Variants in CCDC179 observed in about 807,000 individuals in gnomAD.
CCDC179 encodes coiled-coil domain-containing protein 179.
In CCDC179, 17 loss-of-function variants were observed where a neutral mutation model predicts 12.0. The ratio of observed to expected loss-of-function variants is 1.42; its 90% CI spans 0.97 to 2.13. CCDC179 has a LOEUF of 2.13. Among genes scored for constraint, CCDC179 ranks in the 30% most tolerant of loss-of-function variants. The pLI is 0.00. For missense variants in CCDC179, 83 were observed against 78.6 expected (o/e 1.06, Z -0.21); for synonymous variants, 27 against 26.4 (o/e 1.02, Z -0.07).
At chr11:22,852,821 G>T (rs1282874463) in intron 3 of CCDC179, among the ~76,000 whole-genome samples, 1 of 152,178 alleles carries the variant, frequency 6.6e-6, no homozygotes, top group East Asian at 1.9e-4. Context: ...CAATTCCCCT[G>T]TCTTGATAAA....
chr11:22,858,707 A>G (rs11026818), intron 2 of CCDC179, among the ~76,000 whole-genome samples: 54,546 of 151,890 alleles, frequency 0.36, 11,109 homozygotes, highest in Non-Finnish European at 0.44. Context: ...TGATTCAACC[A>G]TTACACTCCT....
At chr11:22,855,341 TAC>T in intron 3 of CCDC179, among the ~76,000 whole-genome samples, 1 of 151,730 alleles carries the variant, frequency 6.6e-6, no homozygotes, top group Non-Finnish European at 1.5e-5. Flanking sequence ...ATAGAAATCA[TAC>T]AAAGTGTGTT....
chr11:22,849,239 C>A (rs1858312823), intron 3 of CCDC179, among the ~76,000 whole-genome samples: 1 of 152,048 alleles, frequency 6.6e-6, no homozygotes. Context: ...TTTATAATTG[C>A]CTAATACCAT....
At chr11:22,859,945 T>C (rs1858623405) in intron 1 of CCDC179, among the ~76,000 whole-genome samples, 1 of 152,216 alleles carries the variant, frequency 6.6e-6, no homozygotes, top group African/African-American at 2.4e-5. Context: ...GCTTGGCTGT[T>C]AGTTTTCGAG....
intron 3 of CCDC179, among the ~76,000 whole-genome samples, chr11:22,856,077 C>G (rs1278781835): frequency 1.3e-5 from 2 of 151,372 alleles, no homozygotes; most frequent in African/African-American, 4.8e-5. Context: ...GATGGTTTCA[C>G]TGATTACCAA....
Position 22,853,024 on chromosome 11 carries a change from G to A in CCDC179, c.195+4898C>T, listed in dbSNP as rs1590190936. Among the ~76,000 whole-genome samples, 3 of 152,158 alleles carry A rather than the reference G, an allele frequency of 2.0e-5. No homozygotes were observed. The South Asian group carries it at 6.2e-4, about 31-fold the overall frequency. ...ATTGCAAGCTTCAGATATTATTTAA[G>A]AAAGAGTCCCTAGCAAGACCAAAAA... On this transcript the variant is annotated intron_variant, in intron 3 of 3. Transcript: ENST00000532798.
At chr11:22,848,258 A>C (rs1456164597) in intron 3 of CCDC179, among the ~76,000 whole-genome samples, 2 of 152,196 alleles carry the variant, frequency 1.3e-5, no homozygotes, top group Non-Finnish European at 2.9e-5. Flanking sequence ...AGCCTGGCCA[A>C]CATGGTGAAA....
At chr11:22,857,640 A>T (rs1464874619) in intron 3 of CCDC179, among the ~76,000 whole-genome samples, 1 of 151,762 alleles carries the variant, frequency 6.6e-6, no homozygotes, top group Non-Finnish European at 1.5e-5. Flanking sequence ...GATTTAAGTG[A>T]TTAACCTTAT....
intron 2 of CCDC179, among the ~76,000 whole-genome samples, chr11:22,858,340 T>C (rs1295143314): frequency 6.6e-6 from 1 of 151,952 alleles, no homozygotes; most frequent in African/African-American, 2.4e-5. Flanking sequence ...AAAAATAATG[T>C]TCATTAAGGA....
intron 3 of CCDC179, among the ~76,000 whole-genome samples, chr11:22,853,589 A>C (rs1428804738): frequency 6.6e-6 from 1 of 152,032 alleles, no homozygotes; most frequent in Non-Finnish European, 1.5e-5. Flanking sequence ...AAAGTATAAA[A>C]ATATAGAATA....
At chr11:22,858,080 G>C in intron 2 of CCDC179, 54 bp from the exon 3 acceptor site, 1 of 1,118,154 alleles carries the variant, frequency 8.9e-7, no homozygotes, top group Non-Finnish European at 1.2e-6. Flanking sequence ...ACATATAAAG[G>C]TAACATTCTG....
chr11:22,848,599 T>G (rs1858290858), intron 3 of CCDC179, among the ~76,000 whole-genome samples: 1 of 152,266 alleles, frequency 6.6e-6, no homozygotes, highest in Non-Finnish European at 1.5e-5. Flanking sequence ...GAATTCAGGC[T>G]TTTATTTTGT....
At chr11:22,860,011 C>T (rs377176592) in intron 1 of CCDC179, among the ~76,000 whole-genome samples, 38 of 152,162 alleles carry the variant, frequency 2.5e-4, no homozygotes, top group African/African-American at 8.2e-4. Context: ...CTCCTTCACT[C>T]GTTTTGATCC....
intron 3 of CCDC179, among the ~76,000 whole-genome samples, chr11:22,852,136 G>A (rs1053973128): frequency 1.3e-5 from 2 of 152,152 alleles, no homozygotes; most frequent in Non-Finnish European, 2.9e-5. Flanking sequence ...AGGGATGATA[G>A]CAAAGAAGAA....
At position 22,849,367 on chromosome 11, in the gene CCDC179, A is replaced by G. The variant is rs553737951; in HGVS notation, c.196-1846T>C. On this transcript the variant is annotated intron_variant, in intron 3 of 3. Transcript: ENST00000532798. ...TCATATTTAATATATCTTATTTTGCATATTCTTACTTATTTGTGAAACATT... is the reference window on the plus strand; with the variant it reads ...TCATATTTAATATATCTTATTTTGCGTATTCTTACTTATTTGTGAAACATT... Among the ~76,000 whole-genome samples, 718 of 152,318 alleles carry G rather than the reference A, an allele frequency of 4.7e-3. 6 individuals are homozygous for G. Among genetic ancestry groups the G allele is most frequent in the Non-Finnish European group, 8.1e-3 (554 of 68,010 alleles).
chr11:22,860,097 C>T (rs1203297342), intron 1 of CCDC179, among the ~76,000 whole-genome samples: 2 of 152,220 alleles, frequency 1.3e-5, no homozygotes, highest in African/African-American at 4.8e-5. Context: ...CTCCCTACTT[C>T]TGTAATTTCC....
intron 1 of CCDC179, 69 bp downstream of exon 1, chr11:22,860,308 A>G: frequency 6.7e-7 from 1 of 1,496,532 alleles, no homozygotes; most frequent in Non-Finnish European, 8.9e-7. Context: ...GGCCAAGGCC[A>G]CAGTGGCCTG....
intron 3 of CCDC179, among the ~76,000 whole-genome samples, chr11:22,849,551 G>C (rs1263756555): frequency 1.3e-5 from 2 of 152,070 alleles, no homozygotes; most frequent in Non-Finnish European, 2.9e-5. Flanking sequence ...TGGGGGAACA[G>C]GTGGTTTTGG....
chr11:22,858,337 A>T (rs529447133), intron 2 of CCDC179, among the ~76,000 whole-genome samples: 5 of 152,064 alleles, frequency 3.3e-5, no homozygotes, highest in African/African-American at 9.6e-5. Flanking sequence ...TTTAAAAATA[A>T]TGTTCATTAA....
Sources: allele counts gnomAD v4.1 joint callset (sites outside exome capture counted in the v4.1 genomes callset), GRCh38; gene constraint gnomAD v4.1.1; transcripts MANE v1.5; gene names NCBI Gene and HGNC (gene_info 2026-07-23, HGNC 2026-07-21).